The following CYRIB variants were observed in gnomAD, a reference collection of about 807,000 sequenced individuals.
CYRIB encodes the protein CYFIP-related Rac1 interactor B.
In CYRIB, 8 loss-of-function variants were observed where a neutral mutation model predicts 44.2. The observed-to-expected ratio is 0.18, with a 90% CI of 0.11 to 0.33. The LOEUF (loss-of-function observed/expected upper bound fraction) is 0.33, where lower values mean the gene tolerates loss of function less well. CYRIB is among the 10% of genes least tolerant of loss of function. The pLI, the probability that CYRIB is intolerant of heterozygous loss-of-function variation, is 1.00. For missense variants in CYRIB, 185 were observed against 382.8 expected (o/e 0.48, Z 4.31); for synonymous variants, 131 against 127.2 (o/e 1.03, Z -0.20).
intron 1 of CYRIB, among the ~76,000 whole-genome samples, chr8:129,989,645 T>TA (rs1313122265): frequency 6.6e-6 from 1 of 151,722 alleles, no homozygotes; most frequent in African/African-American, 2.4e-5. Flanking sequence ...CCTTTCTTTT[T>TA]TTTTTTTTTT....
chr8:129,922,589 C>T (rs554019772), intron 1 of CYRIB, among the ~76,000 whole-genome samples: 6 of 152,250 alleles, frequency 3.9e-5, no homozygotes, highest in African/African-American at 2.4e-5. Context: ...AAAGGCCGGG[C>T]GCGGTGGCTC....
At chr8:129,842,747 G>C (rs963554491) in intron 11 of CYRIB, among the ~76,000 whole-genome samples, 6 of 152,180 alleles carry the variant, frequency 3.9e-5, no homozygotes, top group Admixed American at 1.3e-4. Context: ...TATCATCTAT[G>C]GTTACTTTCT....
At position 129,862,288 on chromosome 8, in the gene CYRIB, C is replaced by T. The variant is rs777836376; in HGVS notation, c.242G>A (p.Gly81Asp). 12 of 1,613,656 alleles carry T rather than the reference C, an allele frequency of 7.4e-6. No homozygotes were observed. The African/African-American group carries it at 1.6e-4, about 22-fold the overall frequency. The change falls in exon 5 of 12, where the codon GGT becomes GAT. Residue 81 changes from glycine to aspartate, a missense_variant. By Grantham distance (94) the Gly-to-Asp change is moderately conservative (BLOSUM62 -1). Coordinates refer to ENST00000519824, the Ensembl canonical transcript of CYRIB. ...TTTGCCTACTAGTGGAACAACTGCA[C>T]CCCATGCCTTCTCTTGCAACTTCTC... is the stretch of plus-strand genomic sequence containing the variant.
intron 1 of CYRIB, among the ~76,000 whole-genome samples, chr8:130,011,067 G>C (rs770934810): frequency 4.4e-4 from 67 of 151,928 alleles, no homozygotes; most frequent in Non-Finnish European, 6.9e-4. Flanking sequence ...CTAAAACATA[G>C]CCCATCATTA....
exon 4 of CYRIB, chr8:129,871,405 T>G: frequency 6.2e-7 from 1 of 1,610,362 alleles, no homozygotes; most frequent in Non-Finnish European, 8.5e-7. Context: ...CTCCTCTGTA[T>G]GACTGCAAGT....
intron 1 of CYRIB, among the ~76,000 whole-genome samples, chr8:129,939,317 G>A (rs2093379962): frequency 6.6e-6 from 1 of 151,938 alleles, no homozygotes; most frequent in African/African-American, 2.4e-5. Context: ...AGGATCTGGG[G>A]TGGGAGGGGG....
intron 2 of CYRIB, among the ~76,000 whole-genome samples, chr8:129,967,006 T>G (rs954582736): frequency 6.6e-6 from 1 of 152,198 alleles, no homozygotes; most frequent in Non-Finnish European, 1.5e-5. Context: ...AAAATAAATT[T>G]TTTTAAAAAT....
At chr8:129,849,923 T>C (rs1271188631) in intron 9 of CYRIB, 5 of 152,300 alleles carry the variant, frequency 3.3e-5, no homozygotes, top group Admixed American at 2.6e-4. Flanking sequence ...GGATATCAAT[T>C]TTACTAAAAC....
chr8:129,933,177 T>C (rs2092001578), intron 1 of CYRIB, among the ~76,000 whole-genome samples: 1 of 152,164 alleles, frequency 6.6e-6, no homozygotes, highest in Non-Finnish European at 1.5e-5. Context: ...TGCGAGAGAA[T>C]GACCCAAAGT....
intron 1 of CYRIB, among the ~76,000 whole-genome samples, chr8:129,994,955 G>A (rs2096734191): frequency 6.6e-6 from 1 of 152,244 alleles, no homozygotes; most frequent in South Asian, 2.1e-4. Context: ...GGTCAGAGCA[G>A]AGGGTGGCAG....
chr8:129,891,216 T>C (rs1331766662), intron 2 of CYRIB, among the ~76,000 whole-genome samples: 7 of 152,234 alleles, frequency 4.6e-5, no homozygotes, highest in African/African-American at 1.7e-4. Context: ...AAGTAATTGC[T>C]GCTTCTTGTG....
chr8:129,840,965 T>C lies in CYRIB; in HGVS notation c.*1177A>G, dbSNP rs139373792. On this transcript the variant is annotated 3_prime_UTR_variant, in exon 12 of 12. Coordinates refer to ENST00000519824, the Ensembl canonical transcript of CYRIB. ...TTCCTAAATATTTAAAACACTGGCA[T>C]GGTTGAACTAGACAACCTTTAAGTA... 32 of 152,380 alleles carry C rather than the reference T, an allele frequency of 2.1e-4. No individual in the cohort carries two copies. The East Asian group carries it at 5.6e-3, about 27-fold the overall frequency. The allele number at this position is 152,380 out of a possible 1,614,324, so 9.4% of individuals were successfully genotyped here.
At chr8:129,932,566 C>T (rs2091832276) in intron 1 of CYRIB, among the ~76,000 whole-genome samples, 1 of 152,174 alleles carries the variant, frequency 6.6e-6, no homozygotes, top group African/African-American at 2.4e-5. Context: ...AATGCTGATA[C>T]TCTGGCTACT....
intron 1 of CYRIB, among the ~76,000 whole-genome samples, chr8:130,011,726 G>A (rs1484456591): frequency 3.3e-5 from 5 of 152,086 alleles, no homozygotes; most frequent in Non-Finnish European, 4.4e-5. Flanking sequence ...CCAGCTACTC[G>A]GGAGGCTGAG....
At chr8:129,988,979 G>A (rs574984291) in intron 1 of CYRIB, among the ~76,000 whole-genome samples, 3 of 152,238 alleles carry the variant, frequency 2.0e-5, no homozygotes, top group Non-Finnish European at 4.4e-5. Context: ...TACAGAAATG[G>A]AAACTGAAAT....
intron 1 of CYRIB, among the ~76,000 whole-genome samples, chr8:129,905,587 A>G (rs2074891142): frequency 6.6e-6 from 1 of 152,310 alleles, no homozygotes; most frequent in African/African-American, 2.4e-5. Context: ...CCTTGGATCA[A>G]TATTACTAGA....
chr8:129,995,028 C>T (rs893725246), intron 1 of CYRIB, among the ~76,000 whole-genome samples: 2 of 152,234 alleles, frequency 1.3e-5, no homozygotes, highest in Non-Finnish European at 2.9e-5. Flanking sequence ...ACCTCAGCTT[C>T]CATACTGGCA....
chr8:129,884,478 G>A (rs773098196), intron 2 of CYRIB, among the ~76,000 whole-genome samples: 1 of 152,012 alleles, frequency 6.6e-6, no homozygotes, highest in African/African-American at 2.4e-5. Flanking sequence ...AGTAGAGACA[G>A]GGTTTCTCCA....
intron 1 of CYRIB, among the ~76,000 whole-genome samples, chr8:129,917,023 T>G (rs1487869925): frequency 6.6e-6 from 1 of 152,190 alleles, no homozygotes; most frequent in African/African-American, 2.4e-5. Context: ...TTGCAAGCAT[T>G]AAATAAGATT....
Sources: gnomAD v4.1 joint callset for allele counts (sites outside exome capture counted in the v4.1 genomes callset) on GRCh38, gnomAD v4.1.1 for gene constraint, MANE v1.5 for transcripts, NCBI Gene and HGNC (gene_info 2026-07-23, HGNC 2026-07-21) for gene names.